The following ACSM4 variants were observed in gnomAD, a reference collection of about 807,000 sequenced individuals.
The protein encoded by ACSM4 is acyl-coenzyme A synthetase ACSM4, mitochondrial.
Under a neutral mutation model 73.0 loss-of-function variants are expected in ACSM4, and 66 were observed. The ratio of observed to expected loss-of-function variants is 0.90; its 90% CI spans 0.74 to 1.11. The LOEUF is 1.11. Ranked by LOEUF, ACSM4 falls within the 50% of genes least tolerant of loss-of-function variation. The probability of loss-of-function intolerance (pLI) is 0.00; values close to 1 mark genes in which losing one functional copy is unlikely to be tolerated. For missense variants in ACSM4, 645 were observed against 714.4 expected, an observed-to-expected ratio of 0.90 and a Z score of 1.11; for synonymous variants, 222 against 254.0, an observed-to-expected ratio of 0.87 and a Z score of 1.20.
chr12:7,309,981 G>A (rs1018762726), intron 2 of ACSM4, among the ~76,000 whole-genome samples: 1 of 152,028 alleles, frequency 6.6e-6, no homozygotes, highest in East Asian at 1.9e-4. Flanking sequence ...ACAGGGTTTC[G>A]CCATGTTGCT....
intron 3 of ACSM4, among the ~76,000 whole-genome samples, chr12:7,312,036 T>TTTCACATG (rs1216470243): frequency 6.6e-6 from 1 of 152,224 alleles, no homozygotes; most frequent in Non-Finnish European, 1.5e-5. Context: ...CATGCTCATT[T>TTTCACATG]TTCACATGTT....
At chr12:7,322,155 T>C (rs184310765) in intron 6 of ACSM4, among the ~76,000 whole-genome samples, 11 of 152,314 alleles carry the variant, frequency 7.2e-5, no homozygotes, top group African/African-American at 2.6e-4. Flanking sequence ...TCTCCTGCCT[T>C]TTTACATCTT....
chr12:7,307,650 T>C (rs1266188255), intron 2 of ACSM4, among the ~76,000 whole-genome samples: 1 of 152,222 alleles, frequency 6.6e-6, no homozygotes, highest in Non-Finnish European at 1.5e-5. Flanking sequence ...CAACAGGATT[T>C]TGTTCCACTC....
At position 7,310,658 on chromosome 12, in the gene ACSM4, A is replaced by G. The variant is rs754013214; in HGVS notation, c.532A>G (p.Ile178Val). 2.0e-5 allele frequency: 32 copies of G among 1,613,384 alleles called. No individual in the cohort carries two copies. The highest frequency in any genetic ancestry group is 3.3e-4 in the Middle Eastern group (2 of 6,074). ...GGAGGTGGCCCCAGCGGTGGAGTCC[A>G]TTGTATTGGAGTGTCCTGACCTTAA... is the stretch of plus-strand genomic sequence containing the variant. ...SEEVAPAVESIVLECPDLKTK... is the reference protein window; with the variant it reads ...SEEVAPAVESVVLECPDLKTK... The change falls in exon 3 of 13, where the codon ATT becomes GTT. Residue 178 changes from isoleucine (I) to valine (V), a missense_variant. Transcript: ENST00000399422.
In ACSM4 at chr12:7,310,334, C is replaced by T. The variant is rs1946383193; in HGVS notation, c.413-205C>T. ...GTAAATTGCAAGGGCAGGATTAGACCCATGGTCTGTCAAACTCTGAAGCTA... is the reference window on the plus strand; with the variant it reads ...GTAAATTGCAAGGGCAGGATTAGACTCATGGTCTGTCAAACTCTGAAGCTA... On this transcript the variant is annotated intron_variant, in intron 2 of 12. Transcript: ENST00000399422. Among the ~76,000 whole-genome samples, 3 of 152,216 alleles carry T rather than the reference C, an allele frequency of 2.0e-5. No individual in the cohort carries two copies. The South Asian group carries it at 6.2e-4, about 32-fold the overall frequency.
intron 3 of ACSM4, among the ~76,000 whole-genome samples, chr12:7,313,411 C>A (rs1184185785): frequency 6.6e-6 from 1 of 152,126 alleles, no homozygotes; most frequent in Non-Finnish European, 1.5e-5. Flanking sequence ...CGTCTCATTG[C>A]CAACAGTTGG....
intron 9 of ACSM4, among the ~76,000 whole-genome samples, 179 bp downstream of exon 9, chr12:7,323,739 C>G (rs926931765): frequency 6.6e-6 from 1 of 152,084 alleles, no homozygotes; most frequent in African/African-American, 2.4e-5. Flanking sequence ...TGTAAGAAAC[C>G]AGTTGCAGTG....
chr12:7,322,672 C>T, intron 7 of ACSM4, 131 bp downstream of exon 7: 1 of 1,155,856 alleles, frequency 8.7e-7, no homozygotes, highest in South Asian at 1.7e-5. Context: ...CTCACCTTGC[C>T]AGTAGTTACC....
rs370243542 is a variant in ACSM4, at chr12:7,320,247, CA to C, written c.922-470del. 1.9e-3 allele frequency among the ~76,000 whole-genome samples: 282 copies of C among 151,144 alleles called. 1 individual carries two copies. Among genetic ancestry groups the C allele is most frequent in the Middle Eastern group, 0.017 (5 of 292 alleles). On this transcript the variant is annotated intron_variant, in intron 5 of 12. Transcript: ENST00000399422. The stretch of plus-strand genomic sequence containing the variant: ...AAATTTTTAAAAATTAAGAAAAGGC[CA>C]AAAAAAATGCTTATTTCTACATTTA...
rs770203103 is a variant in ACSM4, at chr12:7,317,236, G to A, written c.720G>A (p.Gln240=). ...CCACAGGCTTTCCTAAAATGGCCCAGCACTCTCAGAGCAGCCTCGGCATTG... is the reference window on the plus strand; with the variant it reads ...CCACAGGCTTTCCTAAAATGGCCCAACACTCTCAGAGCAGCCTCGGCATTG... ...SGTTGFPKMA[Q]HSQSSLGIGF... is the part of the protein sequence containing the mutation. The change falls in exon 4 of 13, where the codon CAG becomes CAA. Residue 240 remains glutamine (Q), a synonymous_variant. Coordinates refer to ENST00000399422, the MANE Select transcript of ACSM4 (RefSeq NM_001080454.2). 6 of 1,601,028 alleles carry A rather than the reference G, an allele frequency of 3.7e-6. No individual in the cohort carries two copies. The South Asian group carries it at 4.5e-5, about 12-fold the overall frequency.
chr12:7,306,572 A>AATGGC lies in ACSM4; in HGVS notation c.243_247dup (p.Lys83MetfsTer7). 6.2e-7 allele frequency: 1 copy of AATGGC among 1,601,698 alleles called. No homozygotes were observed. The highest frequency in any genetic ancestry group is 1.1e-5 in the South Asian group (1 of 88,654). On this transcript the variant is annotated frameshift_variant, in exon 2 of 13. Coordinates refer to ENST00000399422, the MANE Select transcript of ACSM4 (RefSeq NM_001080454.2). LOFTEE classifies it high-confidence loss of function. The stretch of plus-strand genomic sequence containing the variant: ...AGCTAACCCAGCCCTGTGGTGGGTG[A>AATGGC]ATGGCAAAGGGGATGAGGTAAAATG...
chr12:7,328,186 C>A (rs780606931), intron 12 of ACSM4, 101 bp from the exon 13 acceptor site: 6 of 860,850 alleles, frequency 7.0e-6, no homozygotes, highest in Non-Finnish European at 1.8e-6. Flanking sequence ...ATAATCTCGA[C>A]TTTAAAATTC....
intron 2 of ACSM4, 107 bp downstream of exon 2, chr12:7,306,850 A>G: frequency 1.7e-6 from 1 of 585,566 alleles, no homozygotes; most frequent in Non-Finnish European, 2.5e-6. Flanking sequence ...CAGAAGACAA[A>G]AAAAAAAAAA....
intron 12 of ACSM4, 139 bp downstream of exon 12, chr12:7,327,234 A>G: frequency 8.8e-7 from 1 of 1,132,890 alleles, no homozygotes; most frequent in Non-Finnish European, 1.2e-6. Flanking sequence ...AACCCTAAGA[A>G]TTTTGCTTTA....
chr12:7,310,078 C>T (rs138927721), intron 2 of ACSM4, among the ~76,000 whole-genome samples: 9 of 152,294 alleles, frequency 5.9e-5, no homozygotes, highest in African/African-American at 1.7e-4. Flanking sequence ...CAAGCCACCG[C>T]GCCTGGCAGG....
rs766852437 is a variant in ACSM4 at position 7,320,999 on chromosome 12, A to G, written c.1001+195A>G. Among the ~76,000 whole-genome samples, 11 of 152,290 alleles carry G rather than the reference A, an allele frequency of 7.2e-5. No homozygotes were observed. In the East Asian group the frequency reaches 1.9e-3, roughly 27 times the overall value. ...TTGAGCAGCATCTCAAGACTCTATT[A>G]GACGCCAGTAGCACCTCCTCCTCCC... On this transcript the variant is annotated intron_variant, in intron 6 of 12. Coordinates refer to ENST00000399422, the MANE Select transcript of ACSM4 (RefSeq NM_001080454.2).
chr12:7,321,873 T>G (rs1042905325), intron 6 of ACSM4, among the ~76,000 whole-genome samples: 2 of 152,188 alleles, frequency 1.3e-5, no homozygotes, highest in African/African-American at 4.8e-5. Flanking sequence ...TGGTGAGAAT[T>G]TAATGTAAGT....
intron 3 of ACSM4, among the ~76,000 whole-genome samples, chr12:7,314,606 T>TGATA (rs71067184): frequency 0.062 from 9,404 of 151,842 alleles, 367 homozygotes; most frequent in East Asian, 0.16. Flanking sequence ...GGTAGATAGA[T>TGATA]GATAGATAGA....
chr12:7,326,876 G>A (rs927626075), intron 11 of ACSM4, 100 bp from the exon 12 acceptor site: 2 of 1,319,358 alleles, frequency 1.5e-6, no homozygotes, highest in African/African-American at 3.0e-5. Flanking sequence ...CACACAAACT[G>A]TTATTAATAA....
Sources: gnomAD v4.1 joint callset for allele counts (sites outside exome capture counted in the v4.1 genomes callset) on GRCh38, gnomAD v4.1.1 for gene constraint, MANE v1.5 for transcripts, NCBI Gene and HGNC (gene_info 2026-07-23, HGNC 2026-07-21) for gene names.